Variants in RAC1 observed in about 807,000 individuals in gnomAD.
RAC1 encodes the protein ras-related C3 botulinum toxin substrate 1.
A neutral mutation model predicts 25.2 loss-of-function variants in RAC1; 2 were observed. That is an observed-to-expected ratio of 0.08 (90% confidence interval 0.03 to 0.25). The LOEUF is 0.25. Ranked by LOEUF, RAC1 falls within the 10% of genes least tolerant of loss-of-function variation. The probability of loss-of-function intolerance (pLI) is 1.00; values close to 1 mark genes in which losing one functional copy is unlikely to be tolerated. For synonymous variants in RAC1, 88 were observed against 94.0 expected (o/e 0.94, Z 0.37); for missense variants, 50 against 235.7 (o/e 0.21, Z 5.16).
chr7:6,399,063 C>T (rs752844638), intron 3 of RAC1, among the ~76,000 whole-genome samples: 18 of 152,142 alleles, frequency 1.2e-4, no homozygotes, highest in Non-Finnish European at 2.4e-4. Context: ...ACCTTGTTGC[C>T]GGGGCCTTCT....
intron 2 of RAC1, among the ~76,000 whole-genome samples, chr7:6,390,869 T>C (rs1783073688): frequency 6.6e-6 from 1 of 152,148 alleles, no homozygotes; most frequent in South Asian, 2.1e-4. Flanking sequence ...ATAATTAACA[T>C]GTCCATCACC....
chr7:6,376,102 T>G, intron 1 of RAC1, among the ~76,000 whole-genome samples: 1 of 151,976 alleles, frequency 6.6e-6, no homozygotes. Flanking sequence ...AGACAGCTGA[T>G]TTTTGTAAGA....
intron 3 of RAC1, chr7:6,398,512 C>T (rs1260442379): frequency 1.6e-5 from 10 of 641,072 alleles, no homozygotes; most frequent in Non-Finnish European, 1.9e-5. Context: ...TGGCATTTGT[C>T]ATCGAAGATA....
At chr7:6,377,361 A>C (rs1392623118) in intron 1 of RAC1, among the ~76,000 whole-genome samples, 1 of 152,140 alleles carries the variant, frequency 6.6e-6, no homozygotes, top group Non-Finnish European at 1.5e-5. Flanking sequence ...TGGGAGGCCA[A>C]GGTGGGTGGA....
At chr7:6,387,319 T>G in intron 2 of RAC1, 36 bp downstream of exon 2, 1 of 1,390,290 alleles carries the variant, frequency 7.2e-7, no homozygotes, top group Non-Finnish European at 1.0e-6. Context: ...CCTGTTTGTG[T>G]TACGGGTTTC....
intron 1 of RAC1, among the ~76,000 whole-genome samples, chr7:6,376,176 C>CTTGTTTT (rs1782586878): frequency 1.5e-5 from 1 of 65,514 alleles, no homozygotes; most frequent in South Asian, 7.2e-4. Flanking sequence ...GCTATTCAGG[C>CTTGTTTT]TTTTTTTTTT....
chr7:6,387,073 A>T (rs1401794169), intron 1 of RAC1, 139 bp from the exon 2 acceptor site: 2 of 577,258 alleles, frequency 3.5e-6, no homozygotes, highest in Admixed American at 7.2e-5. Context: ...ATAAAGGGTT[A>T]TAGAAAACAT....
In RAC1 at chr7:6,395,110, TC is replaced by T. The variant is rs1298894038; in HGVS notation, c.225+3073del. On this transcript the variant is annotated intron_variant, in intron 3 of 5. Transcript: ENST00000348035. ...AGCTTGTGATCCGCCCGCCTTGGCC[TC>T]CCCAAGTGCTGGGATTACAAATTTT... Among the ~76,000 whole-genome samples, 7 of 152,246 alleles carry T rather than the reference TC, an allele frequency of 4.6e-5. No homozygotes were observed. The East Asian group carries it at 1.4e-3, about 29-fold the overall frequency.
At chr7:6,400,978 A>G (rs768548906) in intron 4 of RAC1, among the ~76,000 whole-genome samples, 27 of 151,304 alleles carry the variant, frequency 1.8e-4, no homozygotes, top group Non-Finnish European at 3.2e-4. Flanking sequence ...CCCGGCTGAG[A>G]CAGAATCTTG....
intron 1 of RAC1, among the ~76,000 whole-genome samples, chr7:6,380,174 G>T (rs1042487185): frequency 5.9e-5 from 9 of 152,132 alleles, no homozygotes; most frequent in Admixed American, 2.0e-4. Flanking sequence ...GTGGTGGCGT[G>T]AACCATGAAT....
chr7:6,401,626 C>G (rs963320060), intron 4 of RAC1: 3 of 321,114 alleles, frequency 9.3e-6, no homozygotes, highest in African/African-American at 2.1e-5. Flanking sequence ...TTGTAGAGCC[C>G]GTTCTGTCCG....
intron 1 of RAC1, among the ~76,000 whole-genome samples, chr7:6,377,750 A>G (rs369007596): frequency 6.6e-6 from 1 of 152,236 alleles, no homozygotes; most frequent in East Asian, 1.9e-4. Flanking sequence ...CCTCGTCTCT[A>G]CTAAAAATAG....
At chr7:6,383,966 T>A (rs1782850491) in intron 1 of RAC1, among the ~76,000 whole-genome samples, 1 of 151,574 alleles carries the variant, frequency 6.6e-6, no homozygotes, top group Admixed American at 6.6e-5. Context: ...CCGGCTAATT[T>A]TGTATTTTTA....
At position 6,402,529 on chromosome 7, in the gene RAC1, A is replaced by AAAAC. The variant is rs1562471644; in HGVS notation, c.*86_*87insCAAA. 3 of 1,096,606 alleles carry AAAAC rather than the reference A, an allele frequency of 2.7e-6. 1 individual carries two copies. The highest frequency in any genetic ancestry group is 3.5e-6 in the Non-Finnish European group (3 of 855,428). The allele number at this position is 1,096,606 out of a possible 1,614,324, so 67.9% of individuals were successfully genotyped here. ...AAAAAAAACAAAAAAAAAAAACAAA[A>AAAAC]AAAAAAAACAACGGTGGAGCCTTCG... On this transcript the variant is annotated 3_prime_UTR_variant, in exon 6 of 6. Coordinates refer to ENST00000348035, the MANE Select transcript of RAC1 (RefSeq NM_006908.5).
chr7:6,379,435 G>A (rs1017587590), intron 1 of RAC1, among the ~76,000 whole-genome samples: 5 of 151,870 alleles, frequency 3.3e-5, no homozygotes, highest in African/African-American at 9.7e-5. Flanking sequence ...CCACCACACT[G>A]ACTAATTTCG....
Position 6,374,906 on chromosome 7 carries a change from G to A in RAC1, c.35+136G>A. 3 of 692,992 alleles carry A rather than the reference G, an allele frequency of 4.3e-6. No homozygotes were observed. In the South Asian group the frequency reaches 1.9e-4, roughly 45 times the overall value. 42.9% of individuals were successfully genotyped at this position (692,992 alleles called of 1,614,324 possible). On this transcript the variant is annotated intron_variant, in intron 1 of 5. Coordinates refer to ENST00000348035, the MANE Select transcript of RAC1 (RefSeq NM_006908.5). ...GGTGGGCCTGGGCCTGTGTCGCGGG[G>A]CGGGGGCCGCGGGCGGGCGCCCCCA...
intron 2 of RAC1, chr7:6,391,389 A>G (rs1211554286): frequency 6.5e-6 from 1 of 153,468 alleles, no homozygotes; most frequent in African/African-American, 2.4e-5. Flanking sequence ...GCAACTTCAC[A>G]TGAATTTAAA....
intron 3 of RAC1, among the ~76,000 whole-genome samples, chr7:6,398,897 C>T (rs1240194631): frequency 6.6e-6 from 1 of 152,160 alleles, no homozygotes; most frequent in Non-Finnish European, 1.5e-5. Context: ...GTTTACCCAC[C>T]GGCTTGAATT....
chr7:6,382,664 A>G (rs1782803044), intron 1 of RAC1, among the ~76,000 whole-genome samples: 1 of 152,168 alleles, frequency 6.6e-6, no homozygotes, highest in African/African-American at 2.4e-5. Context: ...GGAATTCGAG[A>G]CCAGTCTGGC....
Sources: allele counts gnomAD v4.1 joint callset (sites outside exome capture counted in the v4.1 genomes callset), GRCh38; gene constraint gnomAD v4.1.1; transcripts MANE v1.5; gene names NCBI Gene and HGNC (gene_info 2026-07-23, HGNC 2026-07-21).